Variants in LONRF3 observed in about 807,000 individuals in gnomAD.
LONRF3 encodes the protein LON peptidase N-terminal domain and ring finger 3, also known as LON peptidase N-terminal domain and RING finger protein 3.
In LONRF3, 19 loss-of-function variants were observed where a neutral mutation model predicts 51.7. That is an observed-to-expected ratio of 0.37 (90% confidence interval 0.26 to 0.54). The LOEUF is 0.54. Ranked by LOEUF, LONRF3 falls within the 20% of genes least tolerant of loss-of-function variation. The pLI is 0.86. For missense variants in LONRF3, 521 were observed against 623.9 expected (o/e 0.84, Z 1.76); for synonymous variants, 265 against 257.8 (o/e 1.03, Z -0.27).
chrX:118,997,914 A>G (rs1347965011), intron 5 of LONRF3, among the ~76,000 whole-genome samples: 1 of 112,768 alleles, frequency 8.9e-6, no homozygotes, highest in East Asian at 2.8e-4. Flanking sequence ...AATCAAAACC[A>G]CATTGAGATA....
rs186291001 is a variant in LONRF3, at chrX:118,991,342, C to A, written c.1415+782C>A. Among the ~76,000 whole-genome samples the A allele has an allele frequency of 5.4e-5, 6 of 111,883 alleles. No individual in the cohort carries two copies. The East Asian group carries it at 1.4e-3, about 26-fold the overall frequency. Reference sequence around the variant, plus strand: ...AAATTTTGGATCCCAGCACTAATCTCAGTTACATGGGCAAGAGCTCAAAGT... The same window carrying A: ...AAATTTTGGATCCCAGCACTAATCTAAGTTACATGGGCAAGAGCTCAAAGT... On this transcript the variant is annotated intron_variant, in intron 5 of 10. Coordinates refer to ENST00000371628, the MANE Select transcript of LONRF3 (RefSeq NM_001031855.3).
In LONRF3 at chrX:119,003,859, C is replaced by A. The variant is rs1010485218; in HGVS notation, c.1416-2262C>A. ...AGCTTTTTCCAATAGAGGTCTCCTA[C>A]AACTGTTGTTAGATTTCTTCCTGGA... On this transcript the variant is annotated intron_variant, in intron 5 of 10. Transcript: ENST00000371628. Among the ~76,000 whole-genome samples the A allele has an allele frequency of 3.6e-5, 4 of 112,398 alleles. No homozygotes were observed. The Admixed American group carries it at 3.8e-4, about 11-fold the overall frequency.
chrX:119,013,866 C>G (rs772370342), intron 9 of LONRF3, among the ~76,000 whole-genome samples: 9 of 112,055 alleles, frequency 8.0e-5, no homozygotes, highest in Non-Finnish European at 1.5e-4. Flanking sequence ...AATGAGAAAA[C>G]AGATGTAAAA....
rs1276355571 is a variant in LONRF3 at position 119,018,264 on chromosome X, G to A, written c.*574G>A. 1 of 109,829 alleles carries A rather than the reference G, an allele frequency of 9.1e-6. No homozygotes were observed. Among genetic ancestry groups the A allele is most frequent in the African/African-American group, 3.3e-5 (1 of 30,710 alleles). 9.1% of individuals were successfully genotyped at this position (109,829 alleles called of 1,213,427 possible). Reference sequence around the variant, plus strand: ...AGTCCATTGCTTTATTTATTGATGTGGTTTACCATGTACCTAGGGGGAAAT... The same window carrying A: ...AGTCCATTGCTTTATTTATTGATGTAGTTTACCATGTACCTAGGGGGAAAT... On this transcript the variant is annotated 3_prime_UTR_variant, in exon 11 of 11. Coordinates refer to ENST00000371628, the MANE Select transcript of LONRF3 (RefSeq NM_001031855.3).
chrX:118,983,012 G>GA, intron 3 of LONRF3, 69 bp downstream of exon 3: 1 of 1,130,267 alleles, frequency 8.8e-7, no homozygotes, highest in Non-Finnish European at 1.2e-6. Context: ...CTAGGAAGGG[G>GA]AGTGAGGGTG....
intron 5 of LONRF3, 35 bp from the exon 6 acceptor site, chrX:119,006,086 T>C (rs1485259040): frequency 1.1e-6 from 1 of 880,596 alleles, no homozygotes; most frequent in African/African-American, 2.0e-5. Flanking sequence ...TTGGTCTTAT[T>C]GCAGTTTTCT....
At chrX:118,978,506 A>G in intron 2 of LONRF3, 43 bp downstream of exon 2, 1 of 930,377 alleles carries the variant, frequency 1.1e-6, no homozygotes, top group Non-Finnish European at 1.5e-6. Context: ...TGTACTGTAG[A>G]CAGGTATTGG....
intron 5 of LONRF3, among the ~76,000 whole-genome samples, chrX:119,000,682 C>A (rs1363428212): frequency 9.0e-6 from 1 of 111,012 alleles, no homozygotes; most frequent in African/African-American, 3.3e-5. Context: ...GGCCCAGTGA[C>A]CTCTTTGTCA....
chrX:118,987,653 C>G (rs1187456423), intron 3 of LONRF3, among the ~76,000 whole-genome samples: 1 of 108,944 alleles, frequency 9.2e-6, no homozygotes, highest in Non-Finnish European at 1.9e-5. Context: ...CTGGGCCATA[C>G]CATTTGGGTG....
At chrX:118,976,973 A>T (rs1316379439) in intron 1 of LONRF3, 1 of 111,884 alleles carries the variant, frequency 8.9e-6, no homozygotes, top group Non-Finnish European at 1.9e-5. Flanking sequence ...AGGAGGAATG[A>T]GGACTGAAGG....
intron 6 of LONRF3, 77 bp downstream of exon 6, chrX:119,006,312 C>A (rs1924700976): frequency 2.7e-6 from 2 of 741,495 alleles, no homozygotes; most frequent in Non-Finnish European, 4.0e-6. Flanking sequence ...TGGAATTGGG[C>A]ACTAAGACAG....
chrX:119,009,244 C>T lies in LONRF3; in HGVS notation c.1649C>T (p.Ser550Phe). Residue 550 changes from serine to phenylalanine, a missense_variant, in exon 7 of 11, where the codon TCT becomes TTT. Ser to Phe is a radical substitution (Grantham distance 155). Around this residue, in one of 2 missense-constraint regions of LONRF3, gnomAD observed 145 missense variants for 247.2 expected, o/e 0.59. Coordinates refer to ENST00000371628, the MANE Select transcript of LONRF3 (RefSeq NM_001031855.3). ...TATGAAGAGGAAATGGAAGAACTTTCTAAGTATGTATATGCATATTTCTGT... is the reference window on the plus strand; with the variant it reads ...TATGAAGAGGAAATGGAAGAACTTTTTAAGTATGTATATGCATATTTCTGT... ...KLYEEEMEEL[S>F]NLNKNVPIFV... 1 of 1,207,005 alleles carries T rather than the reference C, an allele frequency of 8.3e-7. No individual in the cohort carries two copies. The highest frequency in any genetic ancestry group is 1.1e-6 in the Non-Finnish European group (1 of 892,815).
At chrX:118,996,816 G>T (rs1393991699) in intron 5 of LONRF3, among the ~76,000 whole-genome samples, 1 of 109,132 alleles carries the variant, frequency 9.2e-6, no homozygotes, top group Non-Finnish European at 1.9e-5. Context: ...CAGCTACTCG[G>T]GAGGCTGAGG....
intron 5 of LONRF3, among the ~76,000 whole-genome samples, chrX:119,001,188 T>TCTG (rs1157848751): frequency 8.9e-6 from 1 of 112,051 alleles, no homozygotes; most frequent in Non-Finnish European, 1.9e-5. Context: ...TCAAGTTCTC[T>TCTG]CTGTCTCTCT....
At chrX:118,988,903 ACTT>A (rs1923205466) in intron 3 of LONRF3, among the ~76,000 whole-genome samples, 1 of 109,337 alleles carries the variant, frequency 9.1e-6, no homozygotes, top group Non-Finnish European at 1.9e-5. Context: ...GCATGAGGTA[ACTT>A]GGCAGGCCTG....
intron 3 of LONRF3, among the ~76,000 whole-genome samples, chrX:118,984,191 C>T (rs1922785723): frequency 8.9e-6 from 1 of 112,157 alleles, no homozygotes. Context: ...CTGGGGCTTG[C>T]TGACTTTCCC....
chrX:119,012,163 C>G (rs758361427), intron 8 of LONRF3, among the ~76,000 whole-genome samples, 190 bp downstream of exon 8: 12 of 109,957 alleles, frequency 1.1e-4, no homozygotes, highest in Admixed American at 1.1e-3. Context: ...ATTTAAAGAA[C>G]CCTAGAATTA....
chrX:119,015,888 G>T (rs1461389769), intron 10 of LONRF3, among the ~76,000 whole-genome samples: 1 of 112,376 alleles, frequency 8.9e-6, no homozygotes, highest in Non-Finnish European at 1.9e-5. Context: ...TCTGTCAGGA[G>T]GATGTTTCTT....
chrX:119,011,864 G>A lies in LONRF3; in HGVS notation c.1702G>A (p.Val568Ile), dbSNP rs1428085666. 13 of 1,211,320 alleles carry A rather than the reference G, an allele frequency of 1.1e-5. No homozygotes were observed. The highest frequency in any genetic ancestry group is 3.0e-5 in the East Asian group (1 of 33,870). The change falls in exon 8 of 11, where the codon GTT (valine) becomes ATT (isoleucine). Residue 568 changes from valine to isoleucine, a missense_variant. Physicochemically the swap from Val to Ile is conservative, Grantham distance 29. Around this residue, in one of 2 missense-constraint regions of LONRF3, gnomAD observed 145 missense variants for 247.2 expected, o/e 0.59. Transcript: ENST00000371628. ...IFVCTMAYPTVPCPLHIFEPC... is the reference protein window; with the variant it reads ...IFVCTMAYPTIPCPLHIFEPC... ...CGTGTGTACTATGGCCTATCCCACCGTTCCTTGTCCCCTGCACATCTTTGA... is the reference window on the plus strand; with the variant it reads ...CGTGTGTACTATGGCCTATCCCACCATTCCTTGTCCCCTGCACATCTTTGA...
Sources: gnomAD v4.1 joint callset for allele counts (sites outside exome capture counted in the v4.1 genomes callset) on GRCh38, gnomAD v4.1.1 for gene constraint, gnomAD v4.1.1 regional missense constraint, MANE v1.5 for transcripts, NCBI Gene and HGNC (gene_info 2026-07-23, HGNC 2026-07-21) for gene names.